DIP2B: variants seen among roughly 807,000 people sequenced by gnomAD.
The protein encoded by DIP2B is disco-interacting protein 2 homolog B.
DIP2B carries 76 observed loss-of-function variants against 198.0 expected under a neutral mutation model. The observed-to-expected ratio is 0.38, with a 90% CI of 0.32 to 0.46. DIP2B has a LOEUF of 0.46. Among genes scored for constraint, DIP2B ranks in the 20% least tolerant of loss-of-function variants. DIP2B has a pLI of 0.99. For synonymous variants in DIP2B, 701 were observed against 739.1 expected (o/e 0.95, Z 0.84); for missense variants, 1,559 against 1,978.4 (o/e 0.79, Z 4.02).
In DIP2B at chr12:50,683,232, T is replaced by C; in HGVS notation, c.1301T>C (p.Val434Ala). ...GAAGTGATTCCAGTGCCTATAGAGG[T>C]ACCTCTTACCAGAAAGGTAACATTG... ...LAEVIPVPIE[V>A]PLTRKDAGGQ... Residue 434 changes from valine (V) to alanine (A), a missense_variant, in exon 10 of 38, where the codon GTA becomes GCA. Val to Ala is a moderately conservative substitution (Grantham distance 64). Transcript: ENST00000301180. 6.2e-7 allele frequency: 1 copy of C among 1,609,904 alleles called. No homozygotes were observed. Among genetic ancestry groups the C allele is most frequent in the South Asian group, 1.1e-5 (1 of 89,752 alleles).
intron 1 of DIP2B, among the ~76,000 whole-genome samples, chr12:50,547,080 C>T (rs1958384226): frequency 6.6e-6 from 1 of 152,072 alleles, no homozygotes; most frequent in Non-Finnish European, 1.5e-5. Flanking sequence ...TTGGTGAAAT[C>T]CTTTCTTTCC....
chr12:50,638,864 A>T (rs1593677240), intron 2 of DIP2B, among the ~76,000 whole-genome samples: 1 of 147,536 alleles, frequency 6.8e-6, no homozygotes, highest in African/African-American at 2.5e-5. Flanking sequence ...AGTGTTTCAG[A>T]TTTTTTTTTT....
chr12:50,661,659 C>T (rs1592115573), intron 4 of DIP2B, among the ~76,000 whole-genome samples: 1 of 152,198 alleles, frequency 6.6e-6, no homozygotes, highest in Non-Finnish European at 1.5e-5. Flanking sequence ...GATGGTTTCC[C>T]TTCCACATTA....
chr12:50,662,341 A>G (rs1165508396), intron 4 of DIP2B, among the ~76,000 whole-genome samples: 2 of 152,230 alleles, frequency 1.3e-5, no homozygotes, highest in African/African-American at 2.4e-5. Context: ...ACAAGGGGAA[A>G]CATTGAGCGC....
intron 4 of DIP2B, among the ~76,000 whole-genome samples, chr12:50,667,050 G>A (rs1310302175): frequency 6.6e-6 from 1 of 152,206 alleles, no homozygotes; most frequent in Admixed American, 6.5e-5. Context: ...TGCATTTTTT[G>A]TAGAGACAGG....
At chr12:50,555,486 G>T (rs1373273583) in intron 1 of DIP2B, among the ~76,000 whole-genome samples, 24 of 152,030 alleles carry the variant, frequency 1.6e-4, no homozygotes, top group Admixed American at 1.6e-3. Flanking sequence ...TGTCCTTATG[G>T]TTAATGCTTA....
chr12:50,661,361 G>A (rs935048289), intron 4 of DIP2B, among the ~76,000 whole-genome samples: 1 of 152,116 alleles, frequency 6.6e-6, no homozygotes. Flanking sequence ...CAGCTGTCAA[G>A]TTGTTGAGCT....
At chr12:50,512,824 G>A (rs1958030006) in intron 1 of DIP2B, among the ~76,000 whole-genome samples, 2 of 152,208 alleles carry the variant, frequency 1.3e-5, no homozygotes, top group African/African-American at 4.8e-5. Flanking sequence ...TGGGCAACAT[G>A]GTGAAACCCC....
chr12:50,620,443 A>T (rs975766935), intron 1 of DIP2B, among the ~76,000 whole-genome samples: 10 of 152,174 alleles, frequency 6.6e-5, no homozygotes, highest in Admixed American at 5.9e-4. Context: ...AGACTGTGGT[A>T]ATTCTGATGC....
chr12:50,649,651 C>T (rs1387270929), intron 3 of DIP2B, among the ~76,000 whole-genome samples: 3 of 152,094 alleles, frequency 2.0e-5, no homozygotes, highest in South Asian at 2.1e-4. Context: ...GTCAGGAGTT[C>T]GAGGCCAGGC....
At chr12:50,643,452 T>TGTGTGTGTGTGTGTGTGTG (rs1565856199) in intron 3 of DIP2B, among the ~76,000 whole-genome samples, 2 of 144,160 alleles carry the variant, frequency 1.4e-5, no homozygotes, top group Non-Finnish European at 3.0e-5. Context: ...TGTGTGTGTG[T>TGTGTGTGTGTGTGTGTGTG]TTTAAAGGAT....
At position 50,640,721 on chromosome 12, in the gene DIP2B, T is replaced by C. The variant is rs750935074; in HGVS notation, c.173-3T>C. On this transcript the variant is annotated splice_polypyrimidine_tract_variant and splice_region_variant and intron_variant, in intron 2 of 37. Transcript: ENST00000301180. ...TAACCATCTTTTAAACTTCCTTTTT[T>C]AGAAACTGATTCAGCAGTACAGAAA... 6.2e-7 allele frequency: 1 copy of C among 1,612,048 alleles called. No individual in the cohort carries two copies. The highest frequency in any genetic ancestry group is 8.5e-7 in the Non-Finnish European group (1 of 1,179,152).
chr12:50,506,720 C>T (rs995747369), intron 1 of DIP2B, among the ~76,000 whole-genome samples: 21 of 152,160 alleles, frequency 1.4e-4, no homozygotes, highest in Non-Finnish European at 2.8e-4. Context: ...CTTCGAAAAT[C>T]GAGGAGCTTT....
At chr12:50,639,624 A>G (rs760543900) in intron 2 of DIP2B, among the ~76,000 whole-genome samples, 7 of 149,232 alleles carry the variant, frequency 4.7e-5, no homozygotes, top group Non-Finnish European at 1.0e-4. Flanking sequence ...TTTGCTTTAT[A>G]GGCTGATTCT....
At chr12:50,581,013 A>G (rs1198359241) in intron 1 of DIP2B, among the ~76,000 whole-genome samples, 1 of 149,272 alleles carries the variant, frequency 6.7e-6, no homozygotes, top group African/African-American at 2.5e-5. Context: ...TTTACTTTGT[A>G]TATTAACTAG....
At chr12:50,587,431 T>C (rs1219506222) in intron 1 of DIP2B, among the ~76,000 whole-genome samples, 1 of 149,588 alleles carries the variant, frequency 6.7e-6, no homozygotes, top group Non-Finnish European at 1.5e-5. Flanking sequence ...CCATTCCTTG[T>C]TTTTGGATAC....
intron 1 of DIP2B, among the ~76,000 whole-genome samples, chr12:50,511,291 ATTTTTTT>A (rs71083581): frequency 6.2e-5 from 4 of 64,664 alleles, no homozygotes; most frequent in Admixed American, 5.5e-4. Flanking sequence ...TGTGATTTCT[ATTTTTTT>A]TTTTTTTTTT....
rs781532090 is a variant in DIP2B at position 50,732,539 on chromosome 12, G to A, written c.3981+3G>A. ...TCAATGTAGCAATATGTTTACAGGTGACCCTCATGAAATCTTGTCTGTTGA... is the reference window on the plus strand; with the variant it reads ...TCAATGTAGCAATATGTTTACAGGTAACCCTCATGAAATCTTGTCTGTTGA... On this transcript the variant is annotated splice_donor_region_variant and intron_variant, in intron 32 of 37. Coordinates refer to ENST00000301180, the MANE Select transcript of DIP2B (RefSeq NM_173602.3). 4 of 1,613,922 alleles carry A rather than the reference G, an allele frequency of 2.5e-6. No individual in the cohort carries two copies. The Admixed American group carries it at 6.7e-5, about 27-fold the overall frequency.
intron 2 of DIP2B, among the ~76,000 whole-genome samples, chr12:50,631,517 G>T (rs1277591015): frequency 1.3e-5 from 2 of 151,994 alleles, no homozygotes; most frequent in Non-Finnish European, 2.9e-5. Flanking sequence ...GAGCCACCGT[G>T]CCCGGCCCTG....
Sources: allele counts gnomAD v4.1 joint callset (sites outside exome capture counted in the v4.1 genomes callset), GRCh38; gene constraint gnomAD v4.1.1; transcripts MANE v1.5; gene names NCBI Gene and HGNC (gene_info 2026-07-23, HGNC 2026-07-21).